Variants in GRIN2A observed in about 807,000 individuals in gnomAD.
The protein encoded by GRIN2A is glutamate receptor ionotropic, NMDA 2A.
A neutral mutation model predicts 113.4 loss-of-function variants in GRIN2A; 22 were observed. The observed-to-expected ratio is 0.19, with a 90% CI of 0.14 to 0.28. The LOEUF is 0.28. Ranked by LOEUF, GRIN2A falls within the 10% of genes least tolerant of loss-of-function variation. GRIN2A has a pLI of 1.00. For synonymous variants in GRIN2A, 827 were observed against 738.4 expected (o/e 1.12, Z -1.94); for missense variants, 1,502 against 1,887.0 (o/e 0.80, Z 3.78).
chr16:9,796,665 T>C (rs1430215481), intron 11 of GRIN2A, among the ~76,000 whole-genome samples: 1 of 152,154 alleles, frequency 6.6e-6, no homozygotes, highest in Non-Finnish European at 1.5e-5. Context: ...CTTCCCCAGG[T>C]AGCTGCTACC....
chr16:10,072,992 C>T (rs2047789656), intron 2 of GRIN2A, among the ~76,000 whole-genome samples: 1 of 145,558 alleles, frequency 6.9e-6, no homozygotes, highest in African/African-American at 2.6e-5. Context: ...TTTCGTTGCC[C>T]AGGCCCAGGC....
chr16:9,884,438 A>G (rs1278496780), intron 4 of GRIN2A, among the ~76,000 whole-genome samples: 1 of 152,082 alleles, frequency 6.6e-6, no homozygotes, highest in Non-Finnish European at 1.5e-5. Flanking sequence ...AATGCCAGCT[A>G]TTCGGGAGGC....
At chr16:9,882,961 C>G (rs541265622) in intron 4 of GRIN2A, among the ~76,000 whole-genome samples, 71 of 152,204 alleles carry the variant, frequency 4.7e-4, no homozygotes, top group Non-Finnish European at 8.1e-4. Flanking sequence ...ACCTCCTTCC[C>G]GCTGCCAGTT....
chr16:10,052,500 C>T (rs1404052004), intron 2 of GRIN2A, among the ~76,000 whole-genome samples: 2 of 152,180 alleles, frequency 1.3e-5, no homozygotes, highest in Non-Finnish European at 2.9e-5. Context: ...CTTAAGGAAT[C>T]GCCATCTGCC....
At chr16:10,122,921 G>A (rs772550796) in intron 2 of GRIN2A, among the ~76,000 whole-genome samples, 6 of 152,140 alleles carry the variant, frequency 3.9e-5, no homozygotes, top group Non-Finnish European at 5.9e-5. Flanking sequence ...GCATTTATAA[G>A]CTGGGAAAGG....
chr16:9,906,946 G>C (rs959212303), intron 3 of GRIN2A, among the ~76,000 whole-genome samples: 12 of 152,180 alleles, frequency 7.9e-5, no homozygotes, highest in Admixed American at 5.9e-4. Context: ...GGGCTCAAGT[G>C]ATCCTCCTAC....
intron 4 of GRIN2A, among the ~76,000 whole-genome samples, chr16:9,866,218 T>C (rs1291394572): frequency 6.6e-6 from 1 of 152,072 alleles, no homozygotes; most frequent in Non-Finnish European, 1.5e-5. Context: ...GTGCAAGAAA[T>C]GCAGAGGGCT....
At chr16:9,829,395 G>C (rs367564092) in intron 9 of GRIN2A, 28 bp downstream of exon 9, 1 of 1,458,010 alleles carries the variant, frequency 6.9e-7, no homozygotes. Context: ...CCAACCCTCA[G>C]ATGGAGAGGA....
At chr16:9,849,197 AAT>A (rs1377847728) in intron 5 of GRIN2A, among the ~76,000 whole-genome samples, 7 of 143,162 alleles carry the variant, frequency 4.9e-5, no homozygotes, top group African/African-American at 1.8e-4. Flanking sequence ...AAATATATAA[AAT>A]ATATAATTTC....
At chr16:10,060,308 C>T (rs922680510) in intron 2 of GRIN2A, among the ~76,000 whole-genome samples, 5 of 152,166 alleles carry the variant, frequency 3.3e-5, no homozygotes, top group Non-Finnish European at 5.9e-5. Context: ...AACCACATGC[C>T]GGGGTCTGTG....
chr16:10,179,908 C>A, intron 2 of GRIN2A, 90 bp downstream of exon 2: 4 of 529,230 alleles, frequency 7.6e-6, no homozygotes, highest in Non-Finnish European at 1.4e-5. Context: ...CACATCAAGA[C>A]AGATTCTAGG....
At chr16:9,965,899 C>G (rs565877098) in intron 2 of GRIN2A, among the ~76,000 whole-genome samples, 1 of 152,304 alleles carries the variant, frequency 6.6e-6, no homozygotes, top group African/African-American at 2.4e-5. Flanking sequence ...CTTGGTTTGC[C>G]AAGCCTAAAA....
rs1174281227 is a variant in GRIN2A, at chr16:9,759,218, T to C, written c.*3931A>G. 1 of 218,890 alleles carries C rather than the reference T, an allele frequency of 4.6e-6. No individual in the cohort carries two copies. The highest frequency in any genetic ancestry group is 9.2e-6 in the Non-Finnish European group (1 of 109,226). 13.6% of individuals were successfully genotyped at this position (218,890 alleles called of 1,614,324 possible). A position where few individuals can be genotyped will look rare whatever the true frequency, so the allele number is the denominator to read the frequency against. On this transcript the variant is annotated 3_prime_UTR_variant, in exon 13 of 13. Transcript: ENST00000330684. ...GATTTCAGTACAAGGTACTTATTTA[T>C]ATGACAACTGATTATTAAAGCTGCA... is the stretch of plus-strand genomic sequence containing the variant.
At chr16:9,791,938 C>A (rs878918737) in intron 11 of GRIN2A, among the ~76,000 whole-genome samples, 1 of 152,044 alleles carries the variant, frequency 6.6e-6, no homozygotes, top group African/African-American at 2.4e-5. Flanking sequence ...CTCTAGAGTC[C>A]ATTGCAGGAA....
intron 12 of GRIN2A, among the ~76,000 whole-genome samples, chr16:9,766,779 C>G (rs1052562887): frequency 6.6e-6 from 1 of 152,152 alleles, no homozygotes; most frequent in Non-Finnish European, 1.5e-5. Flanking sequence ...AATAAAAGCA[C>G]ATTGCTCCCA....
chr16:10,148,591 A>C lies in GRIN2A; in HGVS notation c.414+31407T>G, dbSNP rs576454133. Among the ~76,000 whole-genome samples the C allele has an allele frequency of 1.1e-3, 162 of 152,302 alleles. 1 individual carries two copies. The highest frequency in any genetic ancestry group is 6.8e-3 in the Middle Eastern group (2 of 294). On this transcript the variant is annotated intron_variant, in intron 2 of 12. Coordinates refer to ENST00000330684, the MANE Select transcript of GRIN2A (RefSeq NM_001134407.3). ...GCTGACATGGCCAGAGCAGAGCTAG[A>C]GATATCTCCCTCTTCTCTGCGTCTT...
At chr16:10,019,768 C>T (rs552920878) in intron 2 of GRIN2A, among the ~76,000 whole-genome samples, 1 of 152,296 alleles carries the variant, frequency 6.6e-6, no homozygotes, top group African/African-American at 2.4e-5. Context: ...ACACTGACTT[C>T]CTGGCTGACT....
At position 9,759,436 on chromosome 16, in the gene GRIN2A, G is replaced by T. The variant is rs1205142230; in HGVS notation, c.*3713C>A. ...ATAAACAATGTGTGACTATATGACAGCTGTGGATCTTTTGACTAATTAACT... is the reference window on the plus strand; with the variant it reads ...ATAAACAATGTGTGACTATATGACATCTGTGGATCTTTTGACTAATTAACT... On this transcript the variant is annotated 3_prime_UTR_variant, in exon 13 of 13. Coordinates refer to ENST00000330684, the MANE Select transcript of GRIN2A (RefSeq NM_001134407.3). 7 of 225,380 alleles carry T rather than the reference G, an allele frequency of 3.1e-5. No individual in the cohort carries two copies. The East Asian group carries it at 4.5e-4, about 14-fold the overall frequency. 14.0% of individuals were successfully genotyped at this position (225,380 alleles called of 1,614,324 possible). A position where few individuals can be genotyped will look rare whatever the true frequency, so the allele number is the denominator to read the frequency against.
intron 2 of GRIN2A, among the ~76,000 whole-genome samples, chr16:10,143,974 A>AT (rs919651009): frequency 6.6e-6 from 1 of 151,152 alleles, no homozygotes; most frequent in Non-Finnish European, 1.5e-5. Context: ...TCAAAAAAAA[A>AT]TTTTTTTTTT....
Sources: allele counts gnomAD v4.1 joint callset (sites outside exome capture counted in the v4.1 genomes callset), GRCh38; gene constraint gnomAD v4.1.1; transcripts MANE v1.5; gene names NCBI Gene and HGNC (gene_info 2026-07-23, HGNC 2026-07-21).